FHOD3: variants seen among roughly 807,000 people sequenced by gnomAD.
FHOD3 encodes the protein FH1/FH2 domain-containing protein 3.
A neutral mutation model predicts 173.0 loss-of-function variants in FHOD3; 90 were observed. The observed-to-expected ratio is 0.52, with a 90% CI of 0.44 to 0.62. FHOD3 has a LOEUF of 0.62. Among genes scored for constraint, FHOD3 ranks in the 20% least tolerant of loss-of-function variants. The pLI, the probability that FHOD3 is intolerant of heterozygous loss-of-function variation, is 0.00. For synonymous variants in FHOD3, 828 were observed against 823.0 expected, an observed-to-expected ratio of 1.01 and a Z score of -0.10; for missense variants, 1,945 against 2,034.7, an observed-to-expected ratio of 0.96 and a Z score of 0.85.
At chr18:36,477,540 C>CACCTACCT (rs1380063380) in intron 3 of FHOD3, among the ~76,000 whole-genome samples, 1 of 108,526 alleles carries the variant, frequency 9.2e-6, no homozygotes, top group African/African-American at 3.9e-5. Flanking sequence ...CCCACCCACC[C>CACCTACCT]ACCCACCTAC....
chr18:36,637,010 G>C (rs559513074), intron 10 of FHOD3, among the ~76,000 whole-genome samples: 1 of 152,132 alleles, frequency 6.6e-6, no homozygotes, highest in South Asian at 2.1e-4. Flanking sequence ...GAAGTACCTT[G>C]GACTCTACCT....
chr18:36,612,521 C>A (rs1023669816), intron 9 of FHOD3, among the ~76,000 whole-genome samples: 2 of 152,064 alleles, frequency 1.3e-5, no homozygotes, highest in Non-Finnish European at 2.9e-5. Context: ...AAATGAAGGA[C>A]CATTTATGGA....
At chr18:36,462,609 CTGTT>C (rs926129464) in intron 3 of FHOD3, among the ~76,000 whole-genome samples, 9 of 151,940 alleles carry the variant, frequency 5.9e-5, no homozygotes, top group Non-Finnish European at 1.5e-5. Flanking sequence ...GGATTACAGG[CTGTT>C]TGTTTGTTTT....
intron 6 of FHOD3, among the ~76,000 whole-genome samples, chr18:36,587,793 A>AAATGCC (rs1385971303): frequency 1.3e-5 from 2 of 152,156 alleles, no homozygotes; most frequent in Non-Finnish European, 2.9e-5. Flanking sequence ...TAGAAGAAGA[A>AAATGCC]AATGCCAATT....
At position 36,709,558 on chromosome 18, in the gene FHOD3, G is replaced by GCAGC. The variant is rs2040058291; in HGVS notation, c.2533+176_2533+179dup. ...GGGGACAAGGAGTGTGGCCACGCTG[G>GCAGC]CAGCCAGCCAGCAGCCTTCTGCCCT... On this transcript the variant is annotated intron_variant, in intron 18 of 28. Coordinates refer to ENST00000590592, the MANE Select transcript of FHOD3 (RefSeq NM_001281740.3). The GCAGC allele has an allele frequency of 2.3e-5, 16 of 704,850 alleles. No individual in the cohort carries two copies. The South Asian group carries it at 3.1e-4, about 14-fold the overall frequency. The allele number at this position is 704,850 out of a possible 1,614,324, so 43.7% of individuals were successfully genotyped here.
intron 3 of FHOD3, among the ~76,000 whole-genome samples, chr18:36,375,308 T>A (rs2047384783): frequency 2.0e-5 from 3 of 152,204 alleles, no homozygotes; most frequent in Admixed American, 6.5e-5. Flanking sequence ...TATTTCCCTC[T>A]TTACCACAGA....
intron 3 of FHOD3, among the ~76,000 whole-genome samples, chr18:36,487,621 C>T (rs1177365195): frequency 6.6e-6 from 1 of 152,198 alleles, no homozygotes; most frequent in Non-Finnish European, 1.5e-5. Context: ...CCCAGGTTCT[C>T]TTTCTCTTTT....
At position 36,617,583 on chromosome 18, in the gene FHOD3, C is replaced by CTG. The variant is rs763613681; in HGVS notation, c.957+5523_957+5524dup. Among the ~76,000 whole-genome samples, 1,090 of 116,328 alleles carry CTG rather than the reference C, an allele frequency of 9.4e-3. 18 individuals carry two copies. Among genetic ancestry groups the CTG allele is most frequent in the African/African-American group, 0.029 (1,037 of 35,852 alleles). 76.3% of individuals were successfully genotyped at this position (116,328 alleles called of 152,430 possible). A position where few individuals can be genotyped will look rare whatever the true frequency, so the allele number is the denominator to read the frequency against. On this transcript the variant is annotated intron_variant, in intron 9 of 28. Coordinates refer to ENST00000590592, the MANE Select transcript of FHOD3 (RefSeq NM_001281740.3). ...CTACTACGAGAGTTCTTGTACTTCC[C>CTG]TGTGTGTGTGTGTGTGTGTGTGTGT...
intron 5 of FHOD3, among the ~76,000 whole-genome samples, chr18:36,520,269 T>A (rs2146549330): frequency 6.6e-6 from 1 of 152,298 alleles, no homozygotes; most frequent in South Asian, 2.1e-4. Context: ...TCTTTCAAGT[T>A]GTAATTTTTC....
chr18:36,332,972 G>A (rs2045102328), intron 1 of FHOD3, among the ~76,000 whole-genome samples: 3 of 152,348 alleles, frequency 2.0e-5, no homozygotes, highest in Admixed American at 2.0e-4. Flanking sequence ...CTTGGCTTGT[G>A]TACTCTTCTG....
intron 5 of FHOD3, among the ~76,000 whole-genome samples, chr18:36,568,374 G>A (rs1286374098): frequency 7.1e-6 from 1 of 140,182 alleles, no homozygotes; most frequent in Admixed American, 7.2e-5. Context: ...AAAAGGTGGT[G>A]GAGGGAGCCT....
intron 5 of FHOD3, among the ~76,000 whole-genome samples, chr18:36,570,898 A>T (rs371979853): frequency 3.9e-5 from 6 of 152,238 alleles, no homozygotes; most frequent in African/African-American, 1.4e-4. Flanking sequence ...ACAAAAACAT[A>T]TGTCTAACAT....
intron 2 of FHOD3, among the ~76,000 whole-genome samples, chr18:36,361,460 T>C (rs1025886779): frequency 6.6e-6 from 1 of 151,654 alleles, no homozygotes; most frequent in African/African-American, 2.4e-5. Context: ...CCAAGGTGGG[T>C]GGATTACTTG....
chr18:36,412,401 G>C (rs2049400831), intron 3 of FHOD3, among the ~76,000 whole-genome samples: 1 of 152,184 alleles, frequency 6.6e-6, no homozygotes, highest in Non-Finnish European at 1.5e-5. Flanking sequence ...AGGGGAAAAA[G>C]TGATACCAAT....
chr18:36,596,844 A>T (rs1198239251), intron 7 of FHOD3, among the ~76,000 whole-genome samples: 1 of 152,088 alleles, frequency 6.6e-6, no homozygotes. Context: ...CCAAGAGTAG[A>T]TCATGGGGCC....
intron 10 of FHOD3, among the ~76,000 whole-genome samples, chr18:36,646,188 T>A (rs2035668453): frequency 6.6e-6 from 1 of 152,154 alleles, no homozygotes; most frequent in Admixed American, 6.5e-5. Context: ...AACAGTATAA[T>A]AAATTTAGAA....
At chr18:36,318,077 G>T (rs1479258201) in intron 1 of FHOD3, among the ~76,000 whole-genome samples, 1 of 152,080 alleles carries the variant, frequency 6.6e-6, no homozygotes, top group Non-Finnish European at 1.5e-5. Context: ...TGTTCCATTG[G>T]TCTATGTATC....
chr18:36,335,489 C>T (rs909211704), intron 1 of FHOD3, among the ~76,000 whole-genome samples: 3 of 138,190 alleles, frequency 2.2e-5, no homozygotes, highest in African/African-American at 6.6e-5. Context: ...AGCGAGACTC[C>T]GTCTAAAAAA....
intron 10 of FHOD3, among the ~76,000 whole-genome samples, chr18:36,637,909 G>A (rs1017142770): frequency 6.6e-6 from 1 of 152,190 alleles, no homozygotes; most frequent in African/African-American, 2.4e-5. Context: ...CCACCAGCAG[G>A]TAGAAGAAAT....
Sources: gnomAD v4.1 joint callset for allele counts (sites outside exome capture counted in the v4.1 genomes callset) on GRCh38, gnomAD v4.1.1 for gene constraint, MANE v1.5 for transcripts, NCBI Gene and HGNC (gene_info 2026-07-23, HGNC 2026-07-21) for gene names.